ILKAP: variants seen among roughly 807,000 people sequenced by gnomAD.
ILKAP encodes integrin-linked kinase-associated serine/threonine phosphatase 2C.
A neutral mutation model predicts 49.1 loss-of-function variants in ILKAP; 11 were observed. The observed-to-expected ratio is 0.22, with a 90% CI of 0.14 to 0.37. ILKAP has a LOEUF of 0.37. ILKAP is among the 10% of genes least tolerant of loss of function. The pLI, the probability that ILKAP is intolerant of heterozygous loss-of-function variation, is 1.00. For synonymous variants in ILKAP, 186 were observed against 192.8 expected (o/e 0.96, Z 0.29); for missense variants, 363 against 510.8 (o/e 0.71, Z 2.79).
chr2:238,178,800 A>AT (rs56336444), intron 9 of ILKAP, among the ~76,000 whole-genome samples: 30 of 151,516 alleles, frequency 2.0e-4, no homozygotes, highest in African/African-American at 5.6e-4. Context: ...AATTATTATT[A>AT]TTTTTTTTTA....
Position 238,188,247 on chromosome 2 carries a change from C to G in ILKAP, c.309G>C (p.Val103=). 6.2e-7 allele frequency: 1 copy of G among 1,613,836 alleles called. No individual in the cohort carries two copies. Among genetic ancestry groups the G allele is most frequent in the Non-Finnish European group, 8.5e-7 (1 of 1,179,928 alleles). The change falls in exon 5 of 12, where the codon GTG becomes GTC. Residue 103 remains valine (V), a synonymous_variant. Coordinates refer to ENST00000254654, the MANE Select transcript of ILKAP (RefSeq NM_030768.3). Reference sequence around the variant, plus strand: ...CCACATAGCCCTTCAGACCAAAGATCACCGAAGAGGCTAAGGAAAAGAGAA... The same window carrying G: ...CCACATAGCCCTTCAGACCAAAGATGACCGAAGAGGCTAAGGAAAAGAGAA... ...VEKKVCKASS[V]IFGLKGYVAE...
intron 9 of ILKAP, 131 bp downstream of exon 9, chr2:238,181,934 T>A: frequency 2.1e-6 from 2 of 937,316 alleles, no homozygotes; most frequent in South Asian, 3.2e-5. Flanking sequence ...GTCACCAGTG[T>A]TAGATCTCAG....
chr2:238,202,637 AT>A (rs1342128003), intron 1 of ILKAP, among the ~76,000 whole-genome samples: 2 of 152,178 alleles, frequency 1.3e-5, no homozygotes, highest in African/African-American at 4.8e-5. Context: ...CCCAAGTTAA[AT>A]TTTGTAATAA....
intron 5 of ILKAP, chr2:238,186,891 T>C (rs1196857906): frequency 6.6e-6 from 1 of 152,216 alleles, no homozygotes; most frequent in South Asian, 2.1e-4. Context: ...TGATGTAGTG[T>C]TCCCAATTAA....
intron 3 of ILKAP, among the ~76,000 whole-genome samples, chr2:238,192,574 C>T (rs896897913): frequency 1.3e-5 from 2 of 151,960 alleles, no homozygotes; most frequent in Non-Finnish European, 2.9e-5. Flanking sequence ...GTGGCGGGAG[C>T]CTGTAGTCCC....
intron 9 of ILKAP, 69 bp from the exon 10 acceptor site, chr2:238,173,722 A>C: frequency 1.8e-5 from 27 of 1,509,756 alleles, no homozygotes; most frequent in Non-Finnish European, 2.1e-5. Flanking sequence ...TTAGAATCTC[A>C]CCTTAAAAGC....
chr2:238,194,403 C>T, intron 2 of ILKAP, 72 bp from the exon 3 acceptor site: 29 of 1,404,020 alleles, frequency 2.1e-5, no homozygotes, highest in Non-Finnish European at 2.9e-5. Flanking sequence ...TCCATCCCAC[C>T]AGGACACCTA....
chr2:238,177,807 C>T (rs1181484998), intron 9 of ILKAP, among the ~76,000 whole-genome samples: 2 of 152,042 alleles, frequency 1.3e-5, no homozygotes, highest in Non-Finnish European at 2.9e-5. Context: ...TGTTCGTGTC[C>T]CTGCTTTGAG....
Position 238,189,934 on chromosome 2 carries a change from C to A in ILKAP, c.217G>T (p.Glu73Ter). ...GTTTTTCTCTTTGCTCCTTTCCCTT[C>A]AGTCTTTACCATCTGGGATATTGAT... is the stretch of plus-strand genomic sequence containing the variant. Reference protein sequence around the residue: ...ATSISQMVKTEGKGAKRKTSE... With the variant: ...ATSISQMVKT Residue 73 changes from glutamate (E) to a stop codon, truncating the protein, a stop_gained, in exon 4 of 12, where the codon GAA (glutamate) becomes TAA (stop). Transcript: ENST00000254654. LOFTEE classifies it high-confidence loss of function. The A allele has an allele frequency of 6.2e-7, 1 of 1,614,038 alleles. No individual in the cohort carries two copies. The highest frequency in any genetic ancestry group is 8.5e-7 in the Non-Finnish European group (1 of 1,179,912).
chr2:238,187,726 A>G (rs1239296821), intron 5 of ILKAP, among the ~76,000 whole-genome samples: 1 of 152,192 alleles, frequency 6.6e-6, no homozygotes, highest in East Asian at 1.9e-4. Context: ...CTCTGCCAGA[A>G]GCCGCTCAGT....
intron 1 of ILKAP, among the ~76,000 whole-genome samples, chr2:238,202,429 TAGAA>T (rs766927443): frequency 5.9e-5 from 9 of 151,966 alleles, no homozygotes; most frequent in Non-Finnish European, 1.2e-4. Context: ...AAGCAGCTCT[TAGAA>T]AGCGAAGGCT....
At chr2:238,190,013 A>G (rs1252968884) in intron 3 of ILKAP, 41 bp from the exon 4 acceptor site, 1 of 1,605,268 alleles carries the variant, frequency 6.2e-7, no homozygotes, top group South Asian at 1.1e-5. Flanking sequence ...ACAGCTGTAG[A>G]CTGTTGGAAA....
intron 5 of ILKAP, among the ~76,000 whole-genome samples, 171 bp downstream of exon 5, chr2:238,187,960 T>C (rs1256961081): frequency 6.6e-6 from 1 of 152,180 alleles, no homozygotes. Flanking sequence ...ACCCAAACAC[T>C]GACAAATGTC....
intron 3 of ILKAP, among the ~76,000 whole-genome samples, chr2:238,193,058 G>C (rs1694204966): frequency 6.6e-6 from 1 of 152,136 alleles, no homozygotes; most frequent in Non-Finnish European, 1.5e-5. Flanking sequence ...TAAAACACTA[G>C]ACCCAAGATT....
intron 5 of ILKAP, 111 bp downstream of exon 5, chr2:238,188,020 A>G (rs1399853216): frequency 1.6e-6 from 2 of 1,220,240 alleles, no homozygotes; most frequent in African/African-American, 1.5e-5. Flanking sequence ...CTGATGTACA[A>G]TCAAGTGATG....
chr2:238,190,479 T>C (rs1439629169), intron 3 of ILKAP, among the ~76,000 whole-genome samples: 1 of 152,164 alleles, frequency 6.6e-6, no homozygotes, highest in African/African-American at 2.4e-5. Flanking sequence ...AAAGGATGAA[T>C]CTGTACTCAA....
chr2:238,175,652 C>T (rs924261751), intron 9 of ILKAP, among the ~76,000 whole-genome samples: 1 of 152,154 alleles, frequency 6.6e-6, no homozygotes, highest in African/African-American at 2.4e-5. Flanking sequence ...AAATCCATGC[C>T]ACCTCTGTTC....
At chr2:238,189,137 T>C (rs947006903) in intron 4 of ILKAP, among the ~76,000 whole-genome samples, 26 of 151,948 alleles carry the variant, frequency 1.7e-4, no homozygotes, top group African/African-American at 6.3e-4. Flanking sequence ...GCTAACATGG[T>C]GAAACCCCGT....
At chr2:238,184,628 T>C (rs567321819) in intron 6 of ILKAP, among the ~76,000 whole-genome samples, 49 of 152,236 alleles carry the variant, frequency 3.2e-4, no homozygotes, top group African/African-American at 1.2e-3. Context: ...GGTGCAACTG[T>C]GGTTCACTGC....
Sources: gnomAD v4.1 joint callset for allele counts (sites outside exome capture counted in the v4.1 genomes callset) on GRCh38, gnomAD v4.1.1 for gene constraint, MANE v1.5 for transcripts, NCBI Gene and HGNC (gene_info 2026-07-23, HGNC 2026-07-21) for gene names.